CSMD1: variants seen among roughly 807,000 people sequenced by gnomAD.
CSMD1 encodes the protein CUB and Sushi multiple domains 1, also known as CUB and sushi domain-containing protein 1.
A neutral mutation model predicts 417.5 loss-of-function variants in CSMD1; 213 were observed. The observed-to-expected ratio is 0.51, with a 90% confidence interval of 0.46 to 0.57. The LOEUF is 0.57. Among genes scored for constraint, CSMD1 ranks in the 20% least tolerant of loss-of-function variants. CSMD1 has a pLI of 0.00. For missense variants in CSMD1, 6,923 were observed against 4,529.7 expected, an observed-to-expected ratio of 1.53 and a Z score of -15.17; for synonymous variants, 2,862 against 1,736.8, an observed-to-expected ratio of 1.65 and a Z score of -16.11.
chr8:3,390,756 G>A (rs771466908), intron 17 of CSMD1, among the ~76,000 whole-genome samples: 2 of 151,970 alleles, frequency 1.3e-5, no homozygotes, highest in Non-Finnish European at 2.9e-5. Context: ...TCCGTGTGCA[G>A]CTCATACGGA....
In CSMD1 at chr8:3,837,624, G is replaced by A. The variant is rs905078941; in HGVS notation, c.819-83582C>T. On this transcript the variant is annotated intron_variant, in intron 5 of 69. Coordinates refer to ENST00000635120, the MANE Select transcript of CSMD1 (RefSeq NM_033225.6). Reference sequence around the variant, plus strand: ...TCTTAATAGAAATTCTAGCGTTTGTGGAATTTTCTGCGGATTGTAAGAAAA... The same window carrying A: ...TCTTAATAGAAATTCTAGCGTTTGTAGAATTTTCTGCGGATTGTAAGAAAA... Among the ~76,000 whole-genome samples, 5 of 152,112 alleles carry A rather than the reference G, an allele frequency of 3.3e-5. No homozygotes were observed. The East Asian group carries it at 9.6e-4, about 29-fold the overall frequency.
At chr8:4,074,497 T>C (rs1799721031) in intron 3 of CSMD1, among the ~76,000 whole-genome samples, 1 of 152,084 alleles carries the variant, frequency 6.6e-6, no homozygotes, top group Admixed American at 6.5e-5. Flanking sequence ...AAATCTAAAG[T>C]TTGATACTTT....
intron 11 of CSMD1, among the ~76,000 whole-genome samples, chr8:3,488,116 T>C (rs918721127): frequency 4.0e-5 from 6 of 151,806 alleles, no homozygotes; most frequent in Admixed American, 2.6e-4. Flanking sequence ...ATTATTTTTC[T>C]TTTTGAAATA....
intron 25 of CSMD1, among the ~76,000 whole-genome samples, chr8:3,301,335 G>A (rs1301890749): frequency 2.6e-5 from 4 of 152,072 alleles, no homozygotes; most frequent in Non-Finnish European, 1.5e-5. Context: ...AGTTTGGGAG[G>A]CTTCAGATGG....
intron 5 of CSMD1, among the ~76,000 whole-genome samples, chr8:3,781,614 C>T (rs1283130164): frequency 6.6e-6 from 1 of 152,172 alleles, no homozygotes; most frequent in East Asian, 1.9e-4. Context: ...GTCTCACATA[C>T]CATCAAGAAA....
At chr8:3,431,130 A>G (rs1814194183) in intron 12 of CSMD1, among the ~76,000 whole-genome samples, 1 of 152,158 alleles carries the variant, frequency 6.6e-6, no homozygotes, top group Non-Finnish European at 1.5e-5. Flanking sequence ...GAATATGGTT[A>G]AAACACCAAC....
chr8:4,271,444 T>C (rs1044739329), intron 3 of CSMD1, among the ~76,000 whole-genome samples: 10 of 152,064 alleles, frequency 6.6e-5, no homozygotes, highest in African/African-American at 2.4e-4. Flanking sequence ...CTCTCCTCAT[T>C]AACTGAAGAA....
rs140708055 is a variant in CSMD1 at position 4,482,192 on chromosome 8, C to G, written c.303-62127G>C. Among the ~76,000 whole-genome samples, 239 of 152,214 alleles carry G rather than the reference C, an allele frequency of 1.6e-3. 1 individual carries two copies. Among genetic ancestry groups the G allele is most frequent in the African/African-American group, 5.5e-3 (227 of 41,520 alleles). On this transcript the variant is annotated intron_variant, in intron 2 of 69. Transcript: ENST00000635120. ...TTTGCTGTATAGATTATTTCACCCC[C>G]CAAGTATTAAGCCAAGTACCCAGTA...
intron 3 of CSMD1, among the ~76,000 whole-genome samples, chr8:4,126,025 G>C (rs916811349): frequency 6.6e-6 from 1 of 152,086 alleles, no homozygotes; most frequent in Non-Finnish European, 1.5e-5. Flanking sequence ...CCATGGATCA[G>C]CTGATACCAC....
At chr8:4,506,060 G>A (rs561476189) in intron 2 of CSMD1, among the ~76,000 whole-genome samples, 1 of 152,082 alleles carries the variant, frequency 6.6e-6, no homozygotes, top group Non-Finnish European at 1.5e-5. Context: ...AACATGTAAA[G>A]CAATCAAAAG....
At chr8:4,005,393 G>C (rs1259687249) in intron 4 of CSMD1, among the ~76,000 whole-genome samples, 2 of 152,154 alleles carry the variant, frequency 1.3e-5, no homozygotes, top group Non-Finnish European at 1.5e-5. Context: ...ACACGTGGCC[G>C]GGTGGTCACT....
intron 1 of CSMD1, among the ~76,000 whole-genome samples, chr8:4,846,152 T>C (rs1319139708): frequency 6.6e-6 from 1 of 152,204 alleles, no homozygotes; most frequent in Non-Finnish European, 1.5e-5. Context: ...TCCTGCATAC[T>C]ATTGTGTATG....
At chr8:3,700,890 G>A (rs1800823132) in intron 7 of CSMD1, among the ~76,000 whole-genome samples, 1 of 152,118 alleles carries the variant, frequency 6.6e-6, no homozygotes. Flanking sequence ...GGAAGGATGT[G>A]GTTCTACTGA....
At chr8:3,468,686 C>A in intron 12 of CSMD1, 26 bp downstream of exon 12, 1 of 1,460,106 alleles carries the variant, frequency 6.8e-7, no homozygotes, top group Non-Finnish European at 9.5e-7. Context: ...TAACTTCCAA[C>A]CCTGTGAAGT....
intron 8 of CSMD1, among the ~76,000 whole-genome samples, chr8:3,611,188 T>G (rs1436867965): frequency 1.3e-5 from 2 of 151,732 alleles, no homozygotes; most frequent in African/African-American, 4.8e-5. Flanking sequence ...CATACGTAAC[T>G]AACCTGCACA....
At chr8:4,875,117 A>G (rs1332757666) in intron 1 of CSMD1, among the ~76,000 whole-genome samples, 1 of 151,792 alleles carries the variant, frequency 6.6e-6, no homozygotes, top group Non-Finnish European at 1.5e-5. Flanking sequence ...TAAATACAGA[A>G]GCCCTCCTTC....
chr8:3,394,271 C>A (rs1343029416), intron 17 of CSMD1, among the ~76,000 whole-genome samples: 1 of 146,176 alleles, frequency 6.8e-6, no homozygotes. Context: ...ATGTGTATTC[C>A]ATATTTTATA....
intron 12 of CSMD1, among the ~76,000 whole-genome samples, chr8:3,449,925 A>G (rs552349845): frequency 1.2e-4 from 19 of 152,338 alleles, no homozygotes; most frequent in African/African-American, 4.3e-4. Flanking sequence ...AAGAAAAACT[A>G]TTGCTCCAGT....
At chr8:3,232,122 C>G (rs955958049) in intron 26 of CSMD1, among the ~76,000 whole-genome samples, 1 of 152,114 alleles carries the variant, frequency 6.6e-6, no homozygotes, top group Non-Finnish European at 1.5e-5. Flanking sequence ...TAGAACATAC[C>G]CTTCCCCATA....
Sources: gnomAD v4.1 joint callset for allele counts (sites outside exome capture counted in the v4.1 genomes callset) on GRCh38, gnomAD v4.1.1 for gene constraint, MANE v1.5 for transcripts, NCBI Gene and HGNC (gene_info 2026-07-23, HGNC 2026-07-21) for gene names.